Variants in CSMD1 observed in about 807,000 individuals in gnomAD.
The protein encoded by CSMD1 is CUB and sushi domain-containing protein 1.
Under a neutral mutation model 417.5 loss-of-function variants are expected in CSMD1, and 213 were observed. That is an observed-to-expected ratio of 0.51 (90% CI 0.46 to 0.57). CSMD1 has a LOEUF of 0.57. Ranked by LOEUF, CSMD1 falls within the 20% of genes least tolerant of loss-of-function variation. CSMD1 has a pLI of 0.00. For synonymous variants in CSMD1, 2,862 were observed against 1,736.8 expected (o/e 1.65, Z -16.11); for missense variants, 6,923 against 4,529.7 (o/e 1.53, Z -15.17).
Position 3,142,603 on chromosome 8 carries a change from A to G in CSMD1, c.6103T>C (p.Tyr2035His), listed in dbSNP as rs370247915. The change falls in exon 41 of 70, where the codon TAC becomes CAC. Residue 2035 changes from tyrosine (Y) to histidine (H), a missense_variant. By Grantham distance (83) the Tyr-to-His change is moderately conservative. Coordinates refer to ENST00000635120, the MANE Select transcript of CSMD1 (RefSeq NM_033225.6). ...TGTCCAATCATGGGGCTGGTGTGGT[A>G]AGGTCCATTTTGAATTTCAAGGAAG... ...HDFLEIQNGP[Y>H]HTSPMIGQFS... is the part of the protein sequence containing the mutation. 3.2e-5 allele frequency: 52 copies of G among 1,613,852 alleles called. No individual in the cohort carries two copies. Among genetic ancestry groups the G allele is most frequent in the Non-Finnish European group, 4.2e-5 (50 of 1,179,864 alleles).
At chr8:3,439,311 T>TATATATATATATATATATA (rs1563390619) in intron 12 of CSMD1, among the ~76,000 whole-genome samples, 4 of 36,294 alleles carry the variant, frequency 1.1e-4, no homozygotes, top group East Asian at 1.2e-3. Context: ...ATATATATAT[T>TATATATATATATATATATA]TTTTTTTTTA....
chr8:2,982,581 T>A (rs922257825), intron 54 of CSMD1, among the ~76,000 whole-genome samples: 1 of 152,152 alleles, frequency 6.6e-6, no homozygotes, highest in African/African-American at 2.4e-5. Flanking sequence ...CTAAGAGGGA[T>A]CACTGTTCCC....
chr8:4,768,301 T>C (rs1187610624), intron 1 of CSMD1, among the ~76,000 whole-genome samples: 1 of 151,704 alleles, frequency 6.6e-6, no homozygotes, highest in African/African-American at 2.4e-5. Flanking sequence ...CCCACCACAC[T>C]CATTCGTATA....
At chr8:4,721,871 A>G (rs1437951618) in intron 1 of CSMD1, among the ~76,000 whole-genome samples, 1 of 152,198 alleles carries the variant, frequency 6.6e-6, no homozygotes, top group Admixed American at 6.6e-5. Flanking sequence ...GTCATTTGTG[A>G]AAACATGGAT....
chr8:3,910,533 C>G (rs1462857593), intron 5 of CSMD1, among the ~76,000 whole-genome samples: 2 of 152,160 alleles, frequency 1.3e-5, no homozygotes, highest in African/African-American at 4.8e-5. Flanking sequence ...AAGTCAGATT[C>G]AAATGGTGCC....
rs538126312 is a variant in CSMD1 at position 4,467,386 on chromosome 8, T to C, written c.303-47321A>G. Among the ~76,000 whole-genome samples the C allele has an allele frequency of 1.5e-3, 224 of 152,258 alleles. 1 individual carries two copies. The highest frequency in any genetic ancestry group is 4.9e-3 in the African/African-American group (203 of 41,544). ...GATCAATTCAAATGTCCTCATTCCC[T>C]GCTCATCTCCTCCATTTTTCTCTTT... On this transcript the variant is annotated intron_variant, in intron 2 of 69. Transcript: ENST00000635120.
chr8:4,938,001 C>T (rs922277757), intron 1 of CSMD1, among the ~76,000 whole-genome samples: 3 of 152,102 alleles, frequency 2.0e-5, no homozygotes, highest in African/African-American at 7.2e-5. Flanking sequence ...GACTCATCCT[C>T]CCTCATGCAA....
At chr8:4,741,981 G>T (rs1249104386) in intron 1 of CSMD1, among the ~76,000 whole-genome samples, 3 of 118,512 alleles carry the variant, frequency 2.5e-5, no homozygotes, top group African/African-American at 9.7e-5. Context: ...CTATAGGTCC[G>T]CACGCACCAC....
At chr8:3,849,928 C>G (rs993117778) in intron 5 of CSMD1, among the ~76,000 whole-genome samples, 1 of 151,986 alleles carries the variant, frequency 6.6e-6, no homozygotes, top group Non-Finnish European at 1.5e-5. Flanking sequence ...AATTCTCCAG[C>G]CTCAGCCTCC....
chr8:3,773,349 T>C (rs1452423732), intron 5 of CSMD1, among the ~76,000 whole-genome samples: 2 of 152,132 alleles, frequency 1.3e-5, no homozygotes, highest in African/African-American at 4.8e-5. Flanking sequence ...AGTGGTGCAC[T>C]CTCAGCTCAC....
At chr8:3,178,605 G>A (rs549653565) in intron 37 of CSMD1, among the ~76,000 whole-genome samples, 15 of 152,256 alleles carry the variant, frequency 9.9e-5, no homozygotes, top group Admixed American at 9.2e-4. Flanking sequence ...GGCTAAAAAT[G>A]CTCTATGCTC....
At chr8:3,680,175 C>A (rs961699781) in intron 7 of CSMD1, among the ~76,000 whole-genome samples, 2 of 151,918 alleles carry the variant, frequency 1.3e-5, no homozygotes, top group African/African-American at 4.8e-5. Flanking sequence ...AGGCAAGAAA[C>A]AACTCAGATC....
intron 1 of CSMD1, among the ~76,000 whole-genome samples, chr8:4,848,186 T>C (rs141172248): frequency 6.6e-6 from 1 of 152,226 alleles, no homozygotes; most frequent in Non-Finnish European, 1.5e-5. Flanking sequence ...TATTTCATTG[T>C]ATGGAAATGG....
chr8:4,729,845 T>C (rs28651564), intron 1 of CSMD1, among the ~76,000 whole-genome samples: 16,521 of 152,228 alleles, frequency 0.11, 2,829 homozygotes, highest in African/African-American at 0.36. Context: ...AAGATACTCC[T>C]AAGTCCTAAT....
In CSMD1 at chr8:4,029,198, AGAG is replaced by A. The variant is rs1487287504; in HGVS notation, c.610+2704_610+2706del. On this transcript the variant is annotated intron_variant, in intron 4 of 69. Coordinates refer to ENST00000635120, the MANE Select transcript of CSMD1 (RefSeq NM_033225.6). The stretch of plus-strand genomic sequence containing the variant: ...CATCAAATCTTTGAATCCTACAACG[AGAG>A]GTGATGAAAATAGGCAGAAATCCAT... 2.9e-3 allele frequency among the ~76,000 whole-genome samples: 449 copies of A among 152,354 alleles called. 3 individuals are homozygous for A. The highest frequency in any genetic ancestry group is 0.01 in the African/African-American group (432 of 41,576).
chr8:3,019,552 G>C (rs147340813), intron 51 of CSMD1, among the ~76,000 whole-genome samples: 10 of 152,252 alleles, frequency 6.6e-5, no homozygotes, highest in African/African-American at 9.6e-5. Context: ...GGGCTCATGA[G>C]CTCTGTAAGA....
chr8:4,747,888 G>T (rs1811059309), intron 1 of CSMD1, among the ~76,000 whole-genome samples: 1 of 152,304 alleles, frequency 6.6e-6, no homozygotes, highest in Non-Finnish European at 1.5e-5. Context: ...GATATCTGTT[G>T]TTGCTTTAAG....
At chr8:3,760,489 A>T (rs1003366925) in intron 5 of CSMD1, among the ~76,000 whole-genome samples, 5 of 152,214 alleles carry the variant, frequency 3.3e-5, no homozygotes, top group Non-Finnish European at 7.3e-5. Context: ...GATTCTATTT[A>T]TAACATACTC....
intron 1 of CSMD1, among the ~76,000 whole-genome samples, chr8:4,687,105 G>A (rs563858435): frequency 3.9e-5 from 6 of 152,298 alleles, no homozygotes; most frequent in East Asian, 1.9e-4. Context: ...CTCTGTGGTC[G>A]ATAAAAGCTG....
Sources: allele counts gnomAD v4.1 joint callset (sites outside exome capture counted in the v4.1 genomes callset), GRCh38; gene constraint gnomAD v4.1.1; transcripts MANE v1.5; gene names NCBI Gene and HGNC (gene_info 2026-07-23, HGNC 2026-07-21).